NGEF: variants seen among roughly 807,000 people sequenced by gnomAD.
The protein encoded by NGEF is ephexin-1.
Under a neutral mutation model 80.9 loss-of-function variants are expected in NGEF, and 31 were observed. That is an observed-to-expected ratio of 0.38 (90% CI 0.29 to 0.52). The LOEUF is 0.52. Among genes scored for constraint, NGEF ranks in the 20% least tolerant of loss-of-function variants. The pLI is 0.84. For synonymous variants in NGEF, 371 were observed against 370.2 expected, an observed-to-expected ratio of 1.00 and a Z score of -0.03; for missense variants, 709 against 926.2, an observed-to-expected ratio of 0.77 and a Z score of 3.04.
chr2:233,010,695 C>G (rs149800402), intron 1 of NGEF, among the ~76,000 whole-genome samples: 7 of 152,336 alleles, frequency 4.6e-5, no homozygotes, highest in African/African-American at 1.7e-4. Flanking sequence ...AAGCAGCCCA[C>G]AGAGGGTGCT....
intron 3 of NGEF, among the ~76,000 whole-genome samples, chr2:232,956,543 G>A (rs185605072): frequency 8.2e-4 from 125 of 152,164 alleles, no homozygotes; most frequent in African/African-American, 2.9e-3. Flanking sequence ...CGAGGTGGGC[G>A]GATACCTGAG....
rs1234538616 is a variant in NGEF at position 232,995,071 on chromosome 2, A to G, written c.-75+17997T>C. Among the ~76,000 whole-genome samples the G allele has an allele frequency of 2.9e-5, 3 of 102,080 alleles. 1 individual carries two copies. The highest frequency in any genetic ancestry group is 5.5e-5 in the Non-Finnish European group (3 of 54,648). The allele number at this position is 102,080 out of a possible 152,430, so 67.0% of individuals were successfully genotyped here. A position where few individuals can be genotyped will look rare whatever the true frequency, so the allele number is the denominator to read the frequency against. On this transcript the variant is annotated intron_variant, in intron 1 of 14. Transcript: ENST00000264051. ...TACTGTATATATGTACAGTATGTAT[A>G]CTGTATATGTGTACAGTATGTATAT...
intron 1 of NGEF, among the ~76,000 whole-genome samples, chr2:232,993,208 T>TATA (rs1694707120): frequency 3.1e-5 from 4 of 130,638 alleles, no homozygotes; most frequent in African/African-American, 6.1e-5. Context: ...ATATATATAT[T>TATA]TGCCCGTATA....
At chr2:232,891,651 C>A (rs761476067) in intron 7 of NGEF, among the ~76,000 whole-genome samples, 164 bp from the exon 8 acceptor site, 1 of 152,156 alleles carries the variant, frequency 6.6e-6, no homozygotes, top group Admixed American at 6.5e-5. Flanking sequence ...AGACTGTTCA[C>A]GTAAAAGTCA....
intron 3 of NGEF, 102 bp from the exon 4 acceptor site, chr2:232,927,288 G>A: frequency 7.6e-7 from 1 of 1,315,348 alleles, no homozygotes; most frequent in Non-Finnish European, 1.0e-6. Flanking sequence ...TAGCCAGCCG[G>A]ACCTTACCCG....
In NGEF at chr2:232,948,111, T is replaced by C. The variant is rs546915734; in HGVS notation, c.384-20925A>G. Among the ~76,000 whole-genome samples, 6 of 150,790 alleles carry C rather than the reference T, an allele frequency of 4.0e-5. No homozygotes were observed. The South Asian group carries it at 8.4e-4, about 21-fold the overall frequency. The stretch of plus-strand genomic sequence containing the variant: ...GCTGTGAAAGACATTTTGAGGACAA[T>C]TGGGGGCCATGGGGTCATTTGAATA... On this transcript the variant is annotated intron_variant, in intron 3 of 14. Coordinates refer to ENST00000264051, the MANE Select transcript of NGEF (RefSeq NM_019850.3).
chr2:232,915,835 C>T (rs544722992), intron 5 of NGEF, among the ~76,000 whole-genome samples: 9 of 152,182 alleles, frequency 5.9e-5, no homozygotes, highest in Admixed American at 2.0e-4. Context: ...GGACTATAGG[C>T]GCACACCACC....
At chr2:232,972,622 T>G (rs1694216559) in intron 2 of NGEF, among the ~76,000 whole-genome samples, 1 of 152,120 alleles carries the variant, frequency 6.6e-6, no homozygotes, top group South Asian at 2.1e-4. Flanking sequence ...TTTTTTGATC[T>G]GTAAAATGGG....
intron 6 of NGEF, among the ~76,000 whole-genome samples, chr2:232,894,143 C>T (rs1053103802): frequency 1.3e-5 from 2 of 152,182 alleles, no homozygotes; most frequent in African/African-American, 4.8e-5. Flanking sequence ...TTCATCCTGG[C>T]CACATGATTT....
At chr2:232,905,495 G>C (rs527725426) in intron 5 of NGEF, 7 of 276,730 alleles carry the variant, frequency 2.5e-5, no homozygotes, top group South Asian at 9.1e-5. Flanking sequence ...CCCAAAGTGC[G>C]GAGATTGCAG....
chr2:232,936,489 T>C (rs1308247898), intron 3 of NGEF, among the ~76,000 whole-genome samples: 1 of 152,224 alleles, frequency 6.6e-6, no homozygotes, highest in Non-Finnish European at 1.5e-5. Context: ...GGGTGGGGTC[T>C]CTGGGTCATG....
intron 3 of NGEF, among the ~76,000 whole-genome samples, chr2:232,961,582 T>C (rs1693953272): frequency 6.6e-6 from 1 of 152,152 alleles, no homozygotes; most frequent in Admixed American, 6.5e-5. Flanking sequence ...AAGCTCCACC[T>C]CCTGAGTTCA....
intron 3 of NGEF, among the ~76,000 whole-genome samples, chr2:232,940,950 A>G (rs1438320758): frequency 6.6e-6 from 1 of 152,072 alleles, no homozygotes; most frequent in Non-Finnish European, 1.5e-5. Flanking sequence ...AAGACAGGGG[A>G]ATTGCAATAG....
intron 5 of NGEF, among the ~76,000 whole-genome samples, chr2:232,919,751 G>T (rs1692893387): frequency 6.6e-6 from 1 of 152,120 alleles, no homozygotes; most frequent in Admixed American, 6.5e-5. Context: ...CAAATGAAGG[G>T]GCCAGAGACA....
At chr2:232,897,014 G>A (rs1692115655) in intron 5 of NGEF, among the ~76,000 whole-genome samples, 2 of 126,436 alleles carry the variant, frequency 1.6e-5, no homozygotes, top group African/African-American at 6.5e-5. Context: ...GAGGGTAGGG[G>A]CGAGTGTGGG....
chr2:232,881,193 G>A lies in NGEF; in HGVS notation c.1895C>T (p.Thr632Met), dbSNP rs1691492110. Reference protein sequence around the residue: ...PYVAQQPDELTLELADILNIL... With the variant: ...PYVAQQPDELMLELADILNIL... ...GTTGAGGATGTCGGCGAGCTCCAGC[G>A]TCAGCTCGTCTGGCTGCTGAGCCAC... The change falls in exon 14 of 15, where the codon ACG becomes ATG. Residue 632 changes from threonine to methionine, a missense_variant. Thr to Met is a moderately conservative substitution (Grantham distance 81). This residue lies in a region of NGEF where 426 missense variants were observed against 622.9 expected (regional missense o/e 0.68). Coordinates refer to ENST00000264051, the MANE Select transcript of NGEF (RefSeq NM_019850.3). 2.5e-6 allele frequency: 4 copies of A among 1,611,882 alleles called. No individual in the cohort carries two copies. Among genetic ancestry groups the A allele is most frequent in the Non-Finnish European group, 3.4e-6 (4 of 1,180,002 alleles).
In NGEF at chr2:232,892,564, A is replaced by C. The variant is rs553095112; in HGVS notation, c.1142+334T>G. On this transcript the variant is annotated intron_variant, in intron 7 of 14. Transcript: ENST00000264051. The surrounding 1 kb of genome is among the most constrained non-coding windows in gnomAD (Gnocchi z 4.0). ...CCGTCTCTGATGTCCTGGGCTTTGA[A>C]TTGTCCACATGACCTCACTTGACCT... Among the ~76,000 whole-genome samples, 4 of 152,052 alleles carry C rather than the reference A, an allele frequency of 2.6e-5. No homozygotes were observed. The highest frequency in any genetic ancestry group is 4.4e-5 in the Non-Finnish European group (3 of 68,004).
At chr2:232,880,309 G>A (rs1039415493) in intron 14 of NGEF, among the ~76,000 whole-genome samples, 2 of 152,210 alleles carry the variant, frequency 1.3e-5, no homozygotes, top group African/African-American at 4.8e-5. Flanking sequence ...TTTGCTCAGA[G>A]TTTGTGGCCG....
chr2:232,949,228 C>T (rs1693626586), intron 3 of NGEF, among the ~76,000 whole-genome samples: 1 of 152,168 alleles, frequency 6.6e-6, no homozygotes, highest in Non-Finnish European at 1.5e-5. Context: ...CCCTTTTGTT[C>T]ACTGCTAAAT....
Sources: gnomAD v4.1 joint callset for allele counts (sites outside exome capture counted in the v4.1 genomes callset) on GRCh38, gnomAD v4.1.1 for gene constraint, gnomAD v4.1.1 regional missense constraint, Gnocchi (gnomAD v3.1) non-coding constraint, MANE v1.5 for transcripts, NCBI Gene and HGNC (gene_info 2026-07-23, HGNC 2026-07-21) for gene names.